The following FAM222B variants were observed in gnomAD, a reference collection of about 807,000 sequenced individuals.
FAM222B encodes the protein protein FAM222B.
FAM222B carries 12 observed loss-of-function variants against 38.0 expected under a neutral mutation model. That is an observed-to-expected ratio of 0.32 (90% CI 0.20 to 0.51). The LOEUF (loss-of-function observed/expected upper bound fraction) is 0.51. Among genes scored for constraint, FAM222B ranks in the 20% least tolerant of loss-of-function variants. The pLI is 0.97. For synonymous variants in FAM222B, 329 were observed against 317.2 expected (o/e 1.04, Z -0.40); for missense variants, 716 against 754.2 (o/e 0.95, Z 0.59).
At chr17:28,796,791 G>A (rs926905969) in intron 1 of FAM222B, among the ~76,000 whole-genome samples, 1 of 151,934 alleles carries the variant, frequency 6.6e-6, no homozygotes, top group Non-Finnish European at 1.5e-5. Flanking sequence ...AAATGAGATG[G>A]TATTTGCAAA....
intron 1 of FAM222B, among the ~76,000 whole-genome samples, chr17:28,840,192 C>T (rs914375691): frequency 6.6e-6 from 1 of 151,750 alleles, no homozygotes; most frequent in Non-Finnish European, 1.5e-5. Flanking sequence ...AATGGCGAAA[C>T]CCCATCTCTA....
At chr17:28,843,776 G>A (rs932319273), upstream of FAM222B, among the ~76,000 whole-genome samples, 5 of 152,028 alleles carry the variant, frequency 3.3e-5, no homozygotes, top group African/African-American at 1.2e-4. Context: ...AGATGATCGT[G>A]TCTAGAATGT....
chr17:28,763,557 C>G (rs1597847366), intron 2 of FAM222B, among the ~76,000 whole-genome samples: 1 of 152,234 alleles, frequency 6.6e-6, no homozygotes, highest in East Asian at 1.9e-4. Context: ...TTTTGAAGGT[C>G]AGAGGGCACA....
At chr17:28,831,477 T>C (rs554315896) in intron 1 of FAM222B, among the ~76,000 whole-genome samples, 2 of 151,216 alleles carry the variant, frequency 1.3e-5, no homozygotes, top group East Asian at 3.9e-4. Context: ...CCTTTCCATA[T>C]AAATTTTAGA....
chr17:28,829,135 A>C (rs1490878649), intron 1 of FAM222B, among the ~76,000 whole-genome samples: 4 of 151,520 alleles, frequency 2.6e-5, no homozygotes. Context: ...CGAACTCCTG[A>C]CCTCGAGATC....
intron 2 of FAM222B, among the ~76,000 whole-genome samples, chr17:28,765,741 C>CT (rs753908310): frequency 1.3e-5 from 2 of 152,144 alleles, no homozygotes; most frequent in African/African-American, 2.4e-5. Flanking sequence ...AGACAAGAAT[C>CT]TAACAGTTTT....
intron 1 of FAM222B, among the ~76,000 whole-genome samples, chr17:28,832,115 G>A (rs888263627): frequency 1.2e-4 from 18 of 152,040 alleles, no homozygotes; most frequent in Non-Finnish European, 1.5e-5. Context: ...GCATGAACCC[G>A]GGAGGCGGAG....
intron 1 of FAM222B, among the ~76,000 whole-genome samples, chr17:28,812,794 AC>A (rs567728115): frequency 1.2e-3 from 138 of 117,688 alleles, no homozygotes; most frequent in African/African-American, 2.4e-3. Context: ...GTACTAGGAG[AC>A]CCCCCCCCAC....
At position 28,758,826 on chromosome 17, in the gene FAM222B, C is replaced by G. The variant is rs1305257905; in HGVS notation, c.1133G>C (p.Ser378Thr). 2 of 1,594,234 alleles carry G rather than the reference C, an allele frequency of 1.3e-6. No individual in the cohort carries two copies. Among genetic ancestry groups the G allele is most frequent in the Admixed American group, 1.8e-5 (1 of 56,912 alleles). Residue 378 changes from serine (S) to threonine (T), a missense_variant, in exon 3 of 3, where the codon AGC becomes ACC. Transcript: ENST00000581407. ...AGGGGCTGGCGTCCCACTAGCCTCG[C>G]TGCACATCTGCTGTAGGTGGGCCAG... ...HQLAHLQQMC[S>T]EASGTPAPGL...
chr17:28,781,218 AG>A (rs2036154281), intron 1 of FAM222B, among the ~76,000 whole-genome samples: 1 of 152,152 alleles, frequency 6.6e-6, no homozygotes. Flanking sequence ...GGATCACCTG[AG>A]TCCACGAAGT....
At chr17:28,792,214 AG>A (rs1208402977) in intron 1 of FAM222B, among the ~76,000 whole-genome samples, 1 of 150,504 alleles carries the variant, frequency 6.6e-6, no homozygotes, top group Non-Finnish European at 1.5e-5. Flanking sequence ...TAGGAGGCTG[AG>A]GCAAGAGAAT....
intron 1 of FAM222B, among the ~76,000 whole-genome samples, chr17:28,779,738 G>A (rs1033508590): frequency 9.3e-5 from 14 of 150,680 alleles, no homozygotes; most frequent in African/African-American, 3.2e-4. Flanking sequence ...GCGACAGAGC[G>A]AGACTCCGTC....
intron 2 of FAM222B, 85 bp downstream of exon 2, chr17:28,766,501 T>C (rs2151783704): frequency 9.3e-7 from 1 of 1,072,646 alleles, no homozygotes; most frequent in African/African-American, 1.6e-5. Context: ...AAGGTCAGTG[T>C]ACCCCAGATG....
intron 1 of FAM222B, among the ~76,000 whole-genome samples, chr17:28,824,023 G>A (rs1210835415): frequency 2.0e-5 from 3 of 151,304 alleles, no homozygotes; most frequent in African/African-American, 4.9e-5. Flanking sequence ...GACTACAGGC[G>A]CCTGCCACCA....
Position 28,758,495 on chromosome 17 carries a change from C to T in FAM222B, c.1464G>A (p.Ala488=), listed in dbSNP as rs1256683986. ...GQPTGAPLDC[A]AAPGAHYRAG... is the part of the protein sequence containing the mutation. ...CTCGGTAGTGGGCCCCGGGAGCTGC[C>T]GCACAGTCGAGGGGTGCACCTGTGG... The change falls in exon 3 of 3, where the codon GCG becomes GCA. Residue 488 remains alanine (A), a synonymous_variant. Coordinates refer to ENST00000581407, the MANE Select transcript of FAM222B (RefSeq NM_001077498.3). The T allele has an allele frequency of 5.0e-6, 8 of 1,612,746 alleles. No homozygotes were observed. The highest frequency in any genetic ancestry group is 1.1e-5 in the South Asian group (1 of 91,052).
In FAM222B at chr17:28,758,112, C is replaced by T. The variant is rs1022515940; in HGVS notation, c.*158G>A. The T allele has an allele frequency of 1.7e-5, 11 of 640,716 alleles. 1 individual carries two copies. In the Admixed American group the frequency reaches 1.8e-4, roughly 10 times the overall value. 39.7% of individuals were successfully genotyped at this position (640,716 alleles called of 1,614,324 possible). A position where few individuals can be genotyped will look rare whatever the true frequency, so the allele number is the denominator to read the frequency against. On this transcript the variant is annotated 3_prime_UTR_variant, in exon 3 of 3. Transcript: ENST00000581407. ...TGCTGGAGGGGAGGACGAGAGGACC[C>T]CTTCTGTCCCCACTTAGATCCCACC...
At chr17:28,795,845 T>C (rs745897811) in intron 1 of FAM222B, among the ~76,000 whole-genome samples, 1 of 152,326 alleles carries the variant, frequency 6.6e-6, no homozygotes, top group Non-Finnish European at 1.5e-5. Flanking sequence ...AATTAGCATA[T>C]ATTGCTATGA....
chr17:28,803,483 G>C (rs1201930097), intron 1 of FAM222B, among the ~76,000 whole-genome samples: 1 of 151,654 alleles, frequency 6.6e-6, no homozygotes, highest in Non-Finnish European at 1.5e-5. Context: ...TTTTTTTATA[G>C]AGAGGGTCTC....
At chr17:28,783,624 T>G (rs1414602732) in intron 1 of FAM222B, among the ~76,000 whole-genome samples, 2 of 152,102 alleles carry the variant, frequency 1.3e-5, no homozygotes, top group African/African-American at 4.8e-5. Flanking sequence ...GGGATTCTCC[T>G]GCTTCAGCCT....
Sources: allele counts gnomAD v4.1 joint callset (sites outside exome capture counted in the v4.1 genomes callset), GRCh38; gene constraint gnomAD v4.1.1; transcripts MANE v1.5; gene names NCBI Gene and HGNC (gene_info 2026-07-23, HGNC 2026-07-21).